The following VWA3B variants were observed in gnomAD, a reference collection of about 807,000 sequenced individuals.
VWA3B encodes the protein von Willebrand factor A domain containing 3B.
VWA3B carries 138 observed loss-of-function variants against 158.3 expected under a neutral mutation model. The ratio of observed to expected loss-of-function variants is 0.87; its 90% confidence interval spans 0.76 to 1.00. VWA3B has a LOEUF of 1.00. Ranked by LOEUF, VWA3B falls within the 50% of genes least tolerant of loss-of-function variation. VWA3B has a pLI of 0.00. For synonymous variants in VWA3B, 596 were observed against 587.3 expected, an observed-to-expected ratio of 1.01 and a Z score of -0.21; for missense variants, 1,555 against 1,565.1, an observed-to-expected ratio of 0.99 and a Z score of 0.11.
chr2:98,139,762 C>G (rs912256720), intron 7 of VWA3B, among the ~76,000 whole-genome samples: 3 of 152,118 alleles, frequency 2.0e-5, no homozygotes, highest in African/African-American at 7.2e-5. Flanking sequence ...ACAGACCACT[C>G]GGCTCTACCA....
the VWA3B span, among the ~76,000 whole-genome samples, chr2:98,323,056 C>T: frequency 6.6e-6 from 1 of 152,068 alleles, no homozygotes; most frequent in African/African-American, 2.4e-5. Context: ...GCCTGCAGTC[C>T]AATTTTGAAC....
At chr2:98,264,553 A>C (rs1193732186) in intron 21 of VWA3B, among the ~76,000 whole-genome samples, 1 of 151,948 alleles carries the variant, frequency 6.6e-6, no homozygotes, top group Non-Finnish European at 1.5e-5. Context: ...TATTATTTCT[A>C]GGTTCATTTC....
At chr2:98,259,281 T>G (rs763730936) in intron 21 of VWA3B, among the ~76,000 whole-genome samples, 6 of 151,812 alleles carry the variant, frequency 4.0e-5, no homozygotes, top group Admixed American at 3.9e-4. Context: ...TGCTGACTGT[T>G]AAGAAGTATT....
intron 14 of VWA3B, among the ~76,000 whole-genome samples, chr2:98,226,419 A>T (rs892552707): frequency 6.6e-6 from 1 of 152,206 alleles, no homozygotes; most frequent in African/African-American, 2.4e-5. Flanking sequence ...GGACATCTTA[A>T]CTCAAAATGG....
intron 7 of VWA3B, among the ~76,000 whole-genome samples, chr2:98,143,519 C>T (rs2105116963): frequency 6.6e-6 from 1 of 152,190 alleles, no homozygotes; most frequent in Admixed American, 6.5e-5. Flanking sequence ...TTTTCTTCAT[C>T]TGTAAAATGG....
intron 8 of VWA3B, among the ~76,000 whole-genome samples, chr2:98,168,378 C>CACACACACACACACACAT (rs1679284269): frequency 8.9e-6 from 1 of 112,880 alleles, no homozygotes; most frequent in African/African-American, 4.0e-5. Flanking sequence ...CACACACATA[C>CACACACACACACACACAT]ACACACACAC....
At chr2:98,181,237 G>C in intron 9 of VWA3B, 25 bp downstream of exon 9, 4 of 1,606,522 alleles carry the variant, frequency 2.5e-6, no homozygotes, top group Non-Finnish European at 3.4e-6. Flanking sequence ...CTCCTGGGAG[G>C]GGCTGGGGCC....
At chr2:98,246,465 A>T (rs1356479967) in intron 19 of VWA3B, among the ~76,000 whole-genome samples, 2 of 151,706 alleles carry the variant, frequency 1.3e-5, no homozygotes, top group African/African-American at 4.9e-5. Context: ...GCAACCTCCA[A>T]CTCCCGAGTT....
intron 21 of VWA3B, among the ~76,000 whole-genome samples, chr2:98,261,335 C>T (rs182085819): frequency 2.6e-5 from 4 of 151,850 alleles, no homozygotes; most frequent in African/African-American, 9.6e-5. Flanking sequence ...GTTATTGTCA[C>T]AAATTATATC....
intron 19 of VWA3B, among the ~76,000 whole-genome samples, chr2:98,246,478 A>G (rs1357073863): frequency 6.6e-6 from 1 of 152,060 alleles, no homozygotes; most frequent in East Asian, 1.9e-4. Context: ...CCCGAGTTCA[A>G]GCGATTCTCT....
At chr2:98,266,788 A>G (rs1202692473) in intron 21 of VWA3B, among the ~76,000 whole-genome samples, 1 of 133,138 alleles carries the variant, frequency 7.5e-6, no homozygotes, top group Non-Finnish European at 1.6e-5. Context: ...ATTCCTAGGT[A>G]TTTTATTCTC....
rs757688211 is a variant in VWA3B at position 98,181,057 on chromosome 2, G to C, written c.1156G>C (p.Asp386His). 1 of 1,614,234 alleles carries C rather than the reference G, an allele frequency of 6.2e-7. No individual in the cohort carries two copies. Among genetic ancestry groups the C allele is most frequent in the Non-Finnish European group, 8.5e-7 (1 of 1,180,038 alleles). ...TGTTGAGATTGCATCGAATCCAGAA[G>C]ACACCTGGGACTCTAAGACATGGCT... ...TSVEIASNPE[D>H]TWDSKTWLQK... Residue 386 changes from aspartate (D) to histidine (H), a missense_variant, in exon 9 of 28, where the codon GAC becomes CAC. Physicochemically the swap from Asp to His is moderately conservative, Grantham distance 81 (BLOSUM62 -1). Transcript: ENST00000477737.
chr2:98,101,479 T>C lies in VWA3B; in HGVS notation c.196+8191T>C, dbSNP rs1237262553. 3.3e-5 allele frequency among the ~76,000 whole-genome samples: 5 copies of C among 152,382 alleles called. No individual in the cohort carries two copies. The South Asian group carries it at 8.3e-4, about 25-fold the overall frequency. On this transcript the variant is annotated intron_variant, in intron 2 of 27. Transcript: ENST00000477737. ...AGGGAAATTTCCACTACTAGGACTT[T>C]ACTCAGTAATTCTGAATTAGTCAAT...
At chr2:98,130,174 C>T (rs1389576457) in intron 6 of VWA3B, among the ~76,000 whole-genome samples, 1 of 152,120 alleles carries the variant, frequency 6.6e-6, no homozygotes, top group East Asian at 1.9e-4. Flanking sequence ...AAAAGTGCTG[C>T]GCTTTTGATG....
rs769708577 is a variant in VWA3B at position 98,255,182 on chromosome 2, AT to A, written c.2793-913del. On this transcript the variant is annotated intron_variant, in intron 20 of 27. Coordinates refer to ENST00000477737, the MANE Select transcript of VWA3B (RefSeq NM_144992.5). ...TCGCCCGCCACCACGCCCGGCTGAT[AT>A]TTTTTTTTTTTTTTTTTTTTTTTTT... 3.7e-3 allele frequency among the ~76,000 whole-genome samples: 193 copies of A among 52,138 alleles called. 2 individuals carry two copies. The highest frequency in any genetic ancestry group is 0.013 in the African/African-American group (180 of 14,086). 34.2% of individuals were successfully genotyped at this position (52,138 alleles called of 152,430 possible). A position where few individuals can be genotyped will look rare whatever the true frequency, so the allele number is the denominator to read the frequency against.
intron 19 of VWA3B, among the ~76,000 whole-genome samples, chr2:98,239,328 G>A (rs559196574): frequency 1.1e-4 from 17 of 151,804 alleles, no homozygotes; most frequent in East Asian, 9.7e-4. Flanking sequence ...AGTTTCACAC[G>A]ATGAAAAGTC....
chr2:98,110,419 T>C (rs1373099561), intron 2 of VWA3B, among the ~76,000 whole-genome samples: 2 of 152,248 alleles, frequency 1.3e-5, no homozygotes, highest in Non-Finnish European at 2.9e-5. Context: ...TTTGAGAATG[T>C]TTGTAATTGC....
At chr2:98,134,088 T>C in intron 7 of VWA3B, 149 bp downstream of exon 7, 1 of 669,642 alleles carries the variant, frequency 1.5e-6, no homozygotes. Context: ...TTAATGGATA[T>C]TAGTGGTGAG....
chr2:98,093,046 T>C lies in VWA3B; in HGVS notation c.-32-15T>C. 6.3e-7 allele frequency: 1 copy of C among 1,578,968 alleles called. No homozygotes were observed. The highest frequency in any genetic ancestry group is 1.1e-5 in the South Asian group (1 of 88,008). ...CAAGTTTTTAGGAAGTCTGAGTTTA[T>C]GATTGCCCTTACAGGAGTTTGCTGT... On this transcript the variant is annotated splice_polypyrimidine_tract_variant and intron_variant, in intron 1 of 27. Coordinates refer to ENST00000477737, the MANE Select transcript of VWA3B (RefSeq NM_144992.5).
Sources: allele counts gnomAD v4.1 joint callset (sites outside exome capture counted in the v4.1 genomes callset), GRCh38; gene constraint gnomAD v4.1.1; transcripts MANE v1.5; gene names NCBI Gene and HGNC (gene_info 2026-07-23, HGNC 2026-07-21).